The following DEPTOR variants were observed in gnomAD, a reference collection of about 807,000 sequenced individuals.
DEPTOR encodes the protein DEP domain-containing mTOR-interacting protein.
In DEPTOR, 41 loss-of-function variants were observed where a neutral mutation model predicts 41.6. That is an observed-to-expected ratio of 0.98 (90% CI 0.77 to 1.28). The LOEUF (loss-of-function observed/expected upper bound fraction) is 1.28. Among genes scored for constraint, DEPTOR ranks in the 50% most tolerant of loss-of-function variants. The probability of loss-of-function intolerance (pLI) is 0.00; values close to 1 mark genes in which losing one functional copy is unlikely to be tolerated. For missense variants in DEPTOR, 514 were observed against 527.9 expected, an observed-to-expected ratio of 0.97 and a Z score of 0.26; for synonymous variants, 195 against 192.3, an observed-to-expected ratio of 1.01 and a Z score of -0.12.
At chr8:119,895,946 TA>T (rs1426586948) in intron 1 of DEPTOR, among the ~76,000 whole-genome samples, 2 of 152,206 alleles carry the variant, frequency 1.3e-5, no homozygotes, top group Non-Finnish European at 2.9e-5. Flanking sequence ...TAAACTAGGT[TA>T]TTTTTTTAAC....
At chr8:119,888,269 G>A (rs948572708) in intron 1 of DEPTOR, among the ~76,000 whole-genome samples, 9 of 152,048 alleles carry the variant, frequency 5.9e-5, no homozygotes, top group African/African-American at 2.2e-4. Flanking sequence ...TGCCACACTC[G>A]TAGGTAACTA....
intron 8 of DEPTOR, among the ~76,000 whole-genome samples, chr8:120,019,879 T>C (rs987654408): frequency 6.6e-6 from 1 of 152,070 alleles, no homozygotes; most frequent in African/African-American, 2.4e-5. Context: ...TCCTTCCATG[T>C]CCCCCAAGTT....
chr8:119,925,651 G>C (rs563505870), intron 1 of DEPTOR, among the ~76,000 whole-genome samples: 1 of 152,166 alleles, frequency 6.6e-6, no homozygotes, highest in East Asian at 1.9e-4. Context: ...TTGACACAGA[G>C]TTTTGCTCTG....
intron 1 of DEPTOR, among the ~76,000 whole-genome samples, chr8:119,911,678 A>T (rs1266912234): frequency 6.6e-6 from 1 of 152,190 alleles, no homozygotes; most frequent in Admixed American, 6.5e-5. Flanking sequence ...GGGTTATGTA[A>T]CATTTCTTAT....
chr8:119,942,080 T>G (rs917906821), intron 3 of DEPTOR, among the ~76,000 whole-genome samples: 39 of 152,348 alleles, frequency 2.6e-4, no homozygotes, highest in Admixed American at 1.0e-3. Flanking sequence ...TGGCAATTTG[T>G]TAACATGCAA....
At chr8:119,952,222 T>C (rs928935689) in intron 3 of DEPTOR, among the ~76,000 whole-genome samples, 1 of 152,138 alleles carries the variant, frequency 6.6e-6, no homozygotes, top group Non-Finnish European at 1.5e-5. Context: ...TATGGATTGC[T>C]CCTTAGTTGG....
intron 1 of DEPTOR, among the ~76,000 whole-genome samples, chr8:119,915,284 A>G (rs1041367698): frequency 6.6e-6 from 1 of 152,196 alleles, no homozygotes; most frequent in African/African-American, 2.4e-5. Flanking sequence ...TATTATTTAA[A>G]TAATGTTTTT....
At chr8:119,895,447 C>T (rs1827508362) in intron 1 of DEPTOR, among the ~76,000 whole-genome samples, 1 of 152,330 alleles carries the variant, frequency 6.6e-6, no homozygotes, top group Admixed American at 6.5e-5. Context: ...CTCTTACTAT[C>T]CTACAATGAG....
intron 1 of DEPTOR, among the ~76,000 whole-genome samples, chr8:119,923,178 T>C (rs1827917920): frequency 6.6e-6 from 1 of 152,210 alleles, no homozygotes; most frequent in South Asian, 2.1e-4. Flanking sequence ...TATAAATTAA[T>C]TTAGTGGCTT....
chr8:119,925,480 G>A (rs1467059705), intron 1 of DEPTOR, among the ~76,000 whole-genome samples: 5 of 151,988 alleles, frequency 3.3e-5, no homozygotes, highest in Non-Finnish European at 5.9e-5. Context: ...TCATTACCAC[G>A]CGAACAGTAT....
intron 8 of DEPTOR, among the ~76,000 whole-genome samples, chr8:120,038,832 C>T (rs1813017986): frequency 6.6e-6 from 1 of 152,116 alleles, no homozygotes. Context: ...AATTACTTTA[C>T]TTTCTGAATC....
chr8:119,975,636 T>A (rs1483351662), intron 4 of DEPTOR, among the ~76,000 whole-genome samples: 1 of 152,104 alleles, frequency 6.6e-6, no homozygotes, highest in Non-Finnish European at 1.5e-5. Context: ...TTCAGTATAC[T>A]GACTTATCAG....
rs770450314 is a variant in DEPTOR, at chr8:119,965,361, G to A, written c.555G>A (p.Glu185=). The A allele has an allele frequency of 6.2e-7, 1 of 1,614,104 alleles. No individual in the cohort carries two copies. The highest frequency in any genetic ancestry group is 8.5e-7 in the Non-Finnish European group (1 of 1,180,006). The change falls in exon 4 of 9, where the codon GAG becomes GAA. Residue 185 remains glutamate, a synonymous_variant. Transcript: ENST00000286234. ...VQEGEATTRK[E]AEQLCHRLME... is the part of the protein sequence containing the mutation. ...AAGGTGAGGCCACCACGAGGAAAGA[G>A]GCAGAGCAGCTTTGCCACCGGCTTA... is the stretch of plus-strand genomic sequence containing the variant.
At chr8:119,894,384 T>TTTTTTTTATTTATTTATTTATTTA (rs1554671411) in intron 1 of DEPTOR, among the ~76,000 whole-genome samples, 2 of 46,414 alleles carry the variant, frequency 4.3e-5, no homozygotes, top group African/African-American at 9.5e-5. Flanking sequence ...AATAGTTCTT[T>TTTTTTTTATTTATTTATTTATTTA]TTTATTTATT....
At chr8:119,996,876 T>A (rs944196607) in intron 4 of DEPTOR, among the ~76,000 whole-genome samples, 1 of 152,174 alleles carries the variant, frequency 6.6e-6, no homozygotes, top group Non-Finnish European at 1.5e-5. Flanking sequence ...GAGGATTTTT[T>A]AAAAATCTCA....
Position 120,050,001 on chromosome 8 carries a change from AG to A in DEPTOR, c.*298del. Reference sequence around the variant, plus strand: ...TTCATTGTTTTTTATCTTAGTTTGCAGAAAGGTGTTGAAATGCTTCTCTAGC... The same window carrying A: ...TTCATTGTTTTTTATCTTAGTTTGCAAAAGGTGTTGAAATGCTTCTCTAGC... On this transcript the variant is annotated 3_prime_UTR_variant, in exon 9 of 9. Transcript: ENST00000286234. The A allele has an allele frequency of 4.6e-6, 1 of 215,458 alleles. No individual in the cohort carries two copies. The highest frequency in any genetic ancestry group is 9.2e-6 in the Non-Finnish European group (1 of 108,818). 13.3% of individuals were successfully genotyped at this position (215,458 alleles called of 1,614,324 possible).
At chr8:119,981,802 G>T in intron 4 of DEPTOR, among the ~76,000 whole-genome samples, 1 of 151,986 alleles carries the variant, frequency 6.6e-6, no homozygotes. Context: ...GAATCACAAG[G>T]TCAGGAGTTT....
intron 2 of DEPTOR, 66 bp from the exon 3 acceptor site, chr8:119,929,749 C>A: frequency 6.5e-7 from 1 of 1,546,916 alleles, no homozygotes. Flanking sequence ...CATCATACTT[C>A]GCTTGAGTAA....
At chr8:120,039,040 C>T (rs558749067) in intron 8 of DEPTOR, among the ~76,000 whole-genome samples, 1 of 152,156 alleles carries the variant, frequency 6.6e-6, no homozygotes, top group African/African-American at 2.4e-5. Context: ...AATGTTTACA[C>T]CCCCTCCAAA....
Sources: gnomAD v4.1 joint callset for allele counts (sites outside exome capture counted in the v4.1 genomes callset) on GRCh38, gnomAD v4.1.1 for gene constraint, MANE v1.5 for transcripts, NCBI Gene and HGNC (gene_info 2026-07-23, HGNC 2026-07-21) for gene names.